The following ADAM12 variants were observed in gnomAD, a reference collection of about 807,000 sequenced individuals.
ADAM12 encodes the protein disintegrin and metalloproteinase domain-containing protein 12.
Under a neutral mutation model 106.4 loss-of-function variants are expected in ADAM12, and 70 were observed. The observed-to-expected ratio is 0.66, with a 90% CI of 0.54 to 0.80. The LOEUF (loss-of-function observed/expected upper bound fraction) is 0.80. Ranked by LOEUF, ADAM12 falls within the 30% of genes least tolerant of loss-of-function variation. ADAM12 has a pLI of 0.00. For missense variants in ADAM12, 1,010 were observed against 1,171.9 expected, an observed-to-expected ratio of 0.86 and a Z score of 2.02; for synonymous variants, 420 against 433.5, an observed-to-expected ratio of 0.97 and a Z score of 0.39.
At position 126,387,930 on chromosome 10, in the gene ADAM12, C is replaced by T. The variant is rs138266852; in HGVS notation, c.88+128G>A. 6.9e-3 allele frequency: 7,810 copies of T among 1,138,656 alleles called. 439 individuals carry two copies. In the African/African-American group the frequency reaches 0.11, roughly 17 times the overall value. The allele number at this position is 1,138,656 out of a possible 1,614,324, so 70.5% of individuals were successfully genotyped here. A position where few individuals can be genotyped will look rare whatever the true frequency, so the allele number is the denominator to read the frequency against. Reference sequence around the variant, plus strand: ...GTCTCGCCGCGCTGGAAGCGCAAGCCCCGGGGCTCCGGAGATGCGCCGGGG... The same window carrying T: ...GTCTCGCCGCGCTGGAAGCGCAAGCTCCGGGGCTCCGGAGATGCGCCGGGG... On this transcript the variant is annotated intron_variant, in intron 1 of 22. Coordinates refer to ENST00000448723, the MANE Select transcript of ADAM12 (RefSeq NM_001288973.2).
chr10:126,102,485 A>G (rs1194438861), intron 8 of ADAM12, among the ~76,000 whole-genome samples: 1 of 152,232 alleles, frequency 6.6e-6, no homozygotes, highest in Non-Finnish European at 1.5e-5. Flanking sequence ...ATGGTGAACT[A>G]AAGTAGAAGA....
At chr10:126,168,247 C>T (rs554995471) in intron 3 of ADAM12, among the ~76,000 whole-genome samples, 3 of 152,280 alleles carry the variant, frequency 2.0e-5, no homozygotes, top group Admixed American at 2.0e-4. Flanking sequence ...ATACATTTCT[C>T]AGTAATAAAA....
intron 1 of ADAM12, among the ~76,000 whole-genome samples, chr10:126,348,318 G>A (rs1232122371): frequency 6.6e-6 from 1 of 152,148 alleles, no homozygotes; most frequent in Non-Finnish European, 1.5e-5. Flanking sequence ...TTCAGTTGAG[G>A]CGGTCCAGGA....
rs1052325133 is a variant in ADAM12 at position 126,040,278 on chromosome 10, G to A, written c.2105-849C>T. The stretch of plus-strand genomic sequence containing the variant: ...CTGGACAGTGAATTTTTAGAGGACA[G>A]GGATCTTGATTCATTTGTCTTCCCA... On this transcript the variant is annotated intron_variant, in intron 18 of 22. Coordinates refer to ENST00000448723, the MANE Select transcript of ADAM12 (RefSeq NM_001288973.2). Among the ~76,000 whole-genome samples, 7 of 152,214 alleles carry A rather than the reference G, an allele frequency of 4.6e-5. 1 individual carries two copies. The South Asian group carries it at 8.3e-4, about 18-fold the overall frequency.
intron 3 of ADAM12, among the ~76,000 whole-genome samples, chr10:126,232,760 T>A (rs1363952390): frequency 1.3e-5 from 2 of 152,144 alleles, no homozygotes; most frequent in Non-Finnish European, 2.9e-5. Context: ...ACATATTATA[T>A]AGTTAGGCAG....
At chr10:126,226,197 G>T (rs1015921078) in intron 3 of ADAM12, among the ~76,000 whole-genome samples, 2 of 151,190 alleles carry the variant, frequency 1.3e-5, no homozygotes, top group Non-Finnish European at 3.0e-5. Context: ...GGTGGGGGGA[G>T]GGGGCGGGGG....
chr10:126,148,428 G>A lies in ADAM12; in HGVS notation c.339+6799C>T, dbSNP rs541974536. Among the ~76,000 whole-genome samples, 12 of 152,208 alleles carry A rather than the reference G, an allele frequency of 7.9e-5. 1 individual carries two copies. The highest frequency in any genetic ancestry group is 1.9e-4 in the East Asian group (1 of 5,174). The stretch of plus-strand genomic sequence containing the variant: ...ACCACGAAAAACAATGCAAAGCCTC[G>A]GACTCTCCTTAAGGGGCTCCTGCTG... On this transcript the variant is annotated intron_variant, in intron 4 of 22. Transcript: ENST00000448723.
chr10:126,168,525 T>G (rs901669058), intron 3 of ADAM12, among the ~76,000 whole-genome samples: 6 of 152,154 alleles, frequency 3.9e-5, no homozygotes, highest in Non-Finnish European at 8.8e-5. Flanking sequence ...TTATTATTAA[T>G]AAGTCCGCTG....
Position 126,388,287 on chromosome 10 carries a change from G to T in ADAM12, c.-142C>A, listed in dbSNP as rs369145795. On this transcript the variant is annotated 5_prime_UTR_variant, in exon 1 of 23. Coordinates refer to ENST00000448723, the MANE Select transcript of ADAM12 (RefSeq NM_001288973.2). This position sits in a 1 kb window ranked among gnomAD's most constrained non-coding sequence, Gnocchi z 4.4. ...GTCAGCTCCGGAGCCCTCGCGCAGC[G>T]CCCGCGCCGCCGCTGAGCTCTTCTA... is the stretch of plus-strand genomic sequence containing the variant. 1.8e-5 allele frequency: 20 copies of T among 1,124,000 alleles called. No individual in the cohort carries two copies. Among genetic ancestry groups the T allele is most frequent in the Non-Finnish European group, 1.9e-5 (17 of 904,062 alleles). 69.6% of individuals were successfully genotyped at this position (1,124,000 alleles called of 1,614,324 possible). A position where few individuals can be genotyped will look rare whatever the true frequency, so the allele number is the denominator to read the frequency against.
At chr10:126,319,374 A>C (rs992175894) in intron 2 of ADAM12, among the ~76,000 whole-genome samples, 1 of 152,144 alleles carries the variant, frequency 6.6e-6, no homozygotes, top group African/African-American at 2.4e-5. Context: ...CCTACAGATA[A>C]GACATATGCA....
Position 126,066,888 on chromosome 10 carries a change from T to A in ADAM12, c.1324-82A>T. 7.3e-7 allele frequency: 1 copy of A among 1,368,738 alleles called. No individual in the cohort carries two copies. The highest frequency in any genetic ancestry group is 1.0e-6 in the Non-Finnish European group (1 of 973,510). 84.8% of individuals were successfully genotyped at this position (1,368,738 alleles called of 1,614,324 possible). On this transcript the variant is annotated intron_variant, in intron 12 of 22. Coordinates refer to ENST00000448723, the MANE Select transcript of ADAM12 (RefSeq NM_001288973.2). The surrounding 1 kb of genome is among the most constrained non-coding windows in gnomAD (Gnocchi z 5.1). ...ATGCAAACATCACACCTTAAATGGCTGCAAAAAGCAAGAAAGACCAAGAGG... is the reference window on the plus strand; with the variant it reads ...ATGCAAACATCACACCTTAAATGGCAGCAAAAAGCAAGAAAGACCAAGAGG...
chr10:126,134,196 T>C (rs1056025748), intron 5 of ADAM12, among the ~76,000 whole-genome samples: 16 of 152,128 alleles, frequency 1.1e-4, no homozygotes, highest in African/African-American at 3.6e-4. Context: ...TTGTGTTGCA[T>C]AAATAGGACA....
intron 8 of ADAM12, among the ~76,000 whole-genome samples, chr10:126,103,109 T>C (rs76380340): frequency 0.023 from 3,527 of 152,264 alleles, 109 homozygotes; most frequent in East Asian, 0.084. Flanking sequence ...CATCATTCCT[T>C]AGTGCTAGGT....
chr10:126,257,593 A>G (rs1958918422), intron 3 of ADAM12, among the ~76,000 whole-genome samples: 2 of 152,190 alleles, frequency 1.3e-5, no homozygotes, highest in South Asian at 2.1e-4. Context: ...CACAACTATA[A>G]AGGAAAATGG....
chr10:126,042,031 G>T (rs1954185732), intron 18 of ADAM12: 2 of 1,487,362 alleles, frequency 1.3e-6, no homozygotes, highest in South Asian at 1.3e-5. Flanking sequence ...TGGAAACGAT[G>T]GCAAAGCCAC....
chr10:126,380,750 A>G (rs1856460131), intron 1 of ADAM12, among the ~76,000 whole-genome samples: 1 of 152,264 alleles, frequency 6.6e-6, no homozygotes, highest in Admixed American at 6.5e-5. Context: ...TCTCCAGCCC[A>G]GAGACCTGAC....
intron 12 of ADAM12, among the ~76,000 whole-genome samples, chr10:126,068,412 T>G (rs1378419552): frequency 2.0e-5 from 3 of 152,194 alleles, no homozygotes; most frequent in African/African-American, 7.2e-5. Flanking sequence ...CACCCAGTAA[T>G]ATAAGCAGCA....
intron 18 of ADAM12, chr10:126,042,193 TG>T (rs1207342204): frequency 6.2e-7 from 1 of 1,613,892 alleles, no homozygotes; most frequent in South Asian, 1.1e-5. Flanking sequence ...CTCCTGGCCC[TG>T]GCCGCGCTCC....
At chr10:126,042,944 T>C in intron 18 of ADAM12, 96 bp downstream of exon 18, 1 of 1,241,810 alleles carries the variant, frequency 8.1e-7, no homozygotes, top group South Asian at 1.4e-5. Context: ...ACTGGGTTTC[T>C]TGTTGGCTCT....
Sources: gnomAD v4.1 joint callset for allele counts (sites outside exome capture counted in the v4.1 genomes callset) on GRCh38, gnomAD v4.1.1 for gene constraint, Gnocchi (gnomAD v3.1) non-coding constraint, MANE v1.5 for transcripts, NCBI Gene and HGNC (gene_info 2026-07-23, HGNC 2026-07-21) for gene names.